Variants in DSG4 observed in about 807,000 individuals in gnomAD.
DSG4 encodes the protein desmoglein 4.
A neutral mutation model predicts 93.1 loss-of-function variants in DSG4; 87 were observed. That is an observed-to-expected ratio of 0.93 (90% CI 0.79 to 1.12). DSG4 has a LOEUF of 1.12. Ranked by LOEUF, DSG4 falls within the 50% of genes most tolerant of loss-of-function variation. The probability of loss-of-function intolerance (pLI) is 0.00; values close to 1 mark genes in which losing one functional copy is unlikely to be tolerated. For synonymous variants in DSG4, 432 were observed against 452.9 expected, an observed-to-expected ratio of 0.95 and a Z score of 0.59; for missense variants, 1,373 against 1,285.7, an observed-to-expected ratio of 1.07 and a Z score of -1.04.
chr18:31,400,436 A>C (rs1390498566), intron 9 of DSG4, among the ~76,000 whole-genome samples: 1 of 152,154 alleles, frequency 6.6e-6, no homozygotes, highest in Non-Finnish European at 1.5e-5. Flanking sequence ...AGATAGTCAC[A>C]CTGAACAGAG....
intron 1 of DSG4, among the ~76,000 whole-genome samples, chr18:31,378,688 T>C (rs2072102983): frequency 1.3e-5 from 2 of 152,194 alleles, no homozygotes; most frequent in African/African-American, 4.8e-5. Flanking sequence ...AAAAGTTCTT[T>C]AAGTATTTTT....
intron 12 of DSG4, 76 bp downstream of exon 12, chr18:31,406,449 G>A: frequency 1.3e-6 from 2 of 1,570,990 alleles, no homozygotes; most frequent in Non-Finnish European, 1.7e-6. Context: ...GGGATGGTTA[G>A]GTTCATGGAG....
chr18:31,398,120 G>A (rs2072325494), intron 8 of DSG4, among the ~76,000 whole-genome samples: 1 of 150,836 alleles, frequency 6.6e-6, no homozygotes, highest in South Asian at 2.1e-4. Flanking sequence ...ATGATTTGTA[G>A]AAGAAAGATC....
intron 8 of DSG4, among the ~76,000 whole-genome samples, chr18:31,393,768 T>C (rs2072275494): frequency 6.6e-6 from 1 of 152,236 alleles, no homozygotes; most frequent in Non-Finnish European, 1.5e-5. Context: ...ATATCGTTTA[T>C]TCATTGGGTC....
chr18:31,387,408 C>T (rs999932939), intron 3 of DSG4, among the ~76,000 whole-genome samples: 2 of 152,112 alleles, frequency 1.3e-5, no homozygotes, highest in African/African-American at 4.8e-5. Context: ...AGAATTCCCT[C>T]CTTCCAGCTT....
rs150183241 is a variant in DSG4, at chr18:31,413,086, G to A, written c.2614G>A (p.Gly872Arg). The A allele has an allele frequency of 5.6e-5, 90 of 1,614,038 alleles. No homozygotes were observed. In the African/African-American group the frequency reaches 1.0e-3, roughly 18 times the overall value. ...IPISTDLPLLGPNYFVNESSG... is the reference protein window; with the variant it reads ...IPISTDLPLLRPNYFVNESSG... ...AATCAGTACTGACCTCCCTTTGCTC[G>A]GACCTAATTACTTTGTTAATGAATC... Residue 872 changes from glycine (G) to arginine (R), a missense_variant, in exon 16 of 16, where the codon GGA becomes AGA. Transcript: ENST00000308128.
At position 31,411,364 on chromosome 18, in the gene DSG4, G is replaced by A. The variant is rs758130904; in HGVS notation, c.2271G>A (p.Arg757=). ...CCGCAGGAGCCTCAGGGGCCGCAAG[G>A]AAGAGGAGCTCTACCATGGGAACCC... The part of the protein sequence containing the change: ...AGAAGASGAA[R]KRSSTMGTLR... The change falls in exon 15 of 16, where the codon AGG becomes AGA. Residue 757 remains arginine (R), a synonymous_variant. Coordinates refer to ENST00000308128, the MANE Select transcript of DSG4 (RefSeq NM_177986.5). 6.2e-6 allele frequency: 10 copies of A among 1,614,040 alleles called. No individual in the cohort carries two copies. In the East Asian group the frequency reaches 2.2e-4, roughly 36 times the overall value.
chr18:31,409,757 A>G lies in DSG4; in HGVS notation c.2086A>G (p.Ile696Val), dbSNP rs1401167484. ...TTTTTCTTTTCAGGATGTGTCAAAT[A>G]TATGTGCACCCATGACAGCCTCAAA... Reference protein sequence around the residue: ...AHPEDRDVSNICAPMTASNTQ... With the variant: ...AHPEDRDVSNVCAPMTASNTQ... Residue 696 changes from isoleucine to valine, a missense_variant, in exon 14 of 16, where the codon ATA (isoleucine) becomes GTA (valine). Ile to Val is a conservative substitution (Grantham distance 29). Coordinates refer to ENST00000308128, the MANE Select transcript of DSG4 (RefSeq NM_177986.5). 5 of 1,614,212 alleles carry G rather than the reference A, an allele frequency of 3.1e-6. No individual in the cohort carries two copies. The highest frequency in any genetic ancestry group is 1.1e-5 in the South Asian group (1 of 91,090).
Position 31,388,338 on chromosome 18 carries a change from G to T in DSG4, c.217-29G>T, listed in dbSNP as rs201692493. 131 of 1,611,326 alleles carry T rather than the reference G, an allele frequency of 8.1e-5. No individual in the cohort carries two copies. In the Middle Eastern group the frequency reaches 1.5e-3, roughly 18 times the overall value. ...CTTAAGCATTATCTGCTCTAAACTG[G>T]ATCACAATCCTAGCTATTTTTCTTA... On this transcript the variant is annotated intron_variant, in intron 3 of 15. Coordinates refer to ENST00000308128, the MANE Select transcript of DSG4 (RefSeq NM_177986.5).
chr18:31,377,751 A>G (rs917754136), intron 1 of DSG4, among the ~76,000 whole-genome samples: 12 of 152,196 alleles, frequency 7.9e-5, no homozygotes, highest in Non-Finnish European at 1.2e-4. Context: ...ACTATTGCCA[A>G]TTCTGGGAGG....
chr18:31,395,168 C>T (rs924099395), intron 8 of DSG4, among the ~76,000 whole-genome samples: 136 of 150,842 alleles, frequency 9.0e-4, no homozygotes, highest in African/African-American at 3.1e-3. Context: ...CTTCTGCATA[C>T]AATTATAAAT....
At chr18:31,394,648 G>A (rs987489594) in intron 8 of DSG4, among the ~76,000 whole-genome samples, 3 of 146,976 alleles carry the variant, frequency 2.0e-5, no homozygotes, top group African/African-American at 7.6e-5. Flanking sequence ...GAGGTACTAA[G>A]CATCTGATCT....
chr18:31,387,558 CT>C (rs1415777432), intron 3 of DSG4, among the ~76,000 whole-genome samples: 6 of 152,226 alleles, frequency 3.9e-5, no homozygotes, highest in African/African-American at 1.4e-4. Context: ...TCAGTAATTG[CT>C]TTATGTTATT....
rs1450731237 is a variant in DSG4, at chr18:31,388,962, C to T, written c.461C>T (p.Ala154Val). 2.5e-6 allele frequency: 4 copies of T among 1,613,418 alleles called. No individual in the cohort carries two copies. The highest frequency in any genetic ancestry group is 4.5e-5 in the East Asian group (2 of 44,860). ...AAAGTTATGGACATAAATGATAACG[C>T]TCCAGTCTTTTCGCAAAGTGTATAC... The part of the protein sequence containing the change: ...RVKVMDINDN[A>V]PVFSQSVYTA... The change falls in exon 5 of 16, where the codon GCT becomes GTT. Residue 154 changes from alanine to valine, a missense_variant. Transcript: ENST00000308128.
intron 5 of DSG4, among the ~76,000 whole-genome samples, chr18:31,390,004 G>C (rs953929901): frequency 3.9e-5 from 6 of 152,150 alleles, no homozygotes; most frequent in African/African-American, 1.4e-4. Flanking sequence ...GAACATCAGG[G>C]ACCTGACAAT....
intron 2 of DSG4, 137 bp downstream of exon 2, chr18:31,385,308 G>A: frequency 1.6e-6 from 1 of 640,768 alleles, no homozygotes. Context: ...CTAGTGAACT[G>A]AAATAGCGAT....
chr18:31,377,805 T>G (rs2072092376), intron 1 of DSG4, among the ~76,000 whole-genome samples: 2 of 152,160 alleles, frequency 1.3e-5, no homozygotes, highest in African/African-American at 4.8e-5. Context: ...TTTTTCAAAG[T>G]AAATTAAGAC....
At position 31,401,000 on chromosome 18, in the gene DSG4, C is replaced by T; in HGVS notation, c.1397C>T (p.Ala466Val). 6.2e-7 allele frequency: 1 copy of T among 1,605,112 alleles called. No homozygotes were observed. ...TATATTATCAATGGGATATACACAG[C>T]AGAGATCCTGGCTATAGATGGTAAG... The part of the protein sequence containing the change: ...SKYIINGIYT[A>V]EILAIDDGSG... Residue 466 changes from alanine (A) to valine (V), a missense_variant, in exon 10 of 16, where the codon GCA becomes GTA. By Grantham distance (64) the Ala-to-Val change is moderately conservative. Transcript: ENST00000308128.
chr18:31,390,727 A>G lies in DSG4; in HGVS notation c.589A>G (p.Lys197Glu), dbSNP rs1356472396. ...TCATCTGAATTCTAAAATTGCCTAC[A>G]AGATCGTCTCTCAGGAGCCATCAGG... ...ENHLNSKIAY[K>E]IVSQEPSGAP... Residue 197 changes from lysine to glutamate, a missense_variant, in exon 6 of 16, where the codon AAG becomes GAG. Physicochemically the swap from Lys to Glu is moderately conservative, Grantham distance 56. Transcript: ENST00000308128. 1.2e-6 allele frequency: 2 copies of G among 1,613,842 alleles called. No homozygotes were observed. Among genetic ancestry groups the G allele is most frequent in the Non-Finnish European group, 1.7e-6 (2 of 1,179,806 alleles).
Sources: allele counts gnomAD v4.1 joint callset (sites outside exome capture counted in the v4.1 genomes callset), GRCh38; gene constraint gnomAD v4.1.1; transcripts MANE v1.5; gene names NCBI Gene and HGNC (gene_info 2026-07-23, HGNC 2026-07-21).